The following CDC6 variants were observed in gnomAD, a reference collection of about 807,000 sequenced individuals.
CDC6 encodes the protein DNA replication factor CDC6.
Under a neutral mutation model 60.2 loss-of-function variants are expected in CDC6, and 46 were observed. The ratio of observed to expected loss-of-function variants is 0.76; its 90% CI spans 0.60 to 0.98. The LOEUF is 0.98. CDC6 is among the 50% of genes least tolerant of loss of function. The probability of loss-of-function intolerance (pLI) is 0.00; values close to 1 mark genes in which losing one functional copy is unlikely to be tolerated. For synonymous variants in CDC6, 210 were observed against 233.2 expected, an observed-to-expected ratio of 0.90 and a Z score of 0.90; for missense variants, 596 against 652.9, an observed-to-expected ratio of 0.91 and a Z score of 0.95.
chr17:40,291,658 A>G lies in CDC6; in HGVS notation c.650A>G (p.Gln217Arg), dbSNP rs2032764388. The G allele has an allele frequency of 3.1e-6, 5 of 1,614,004 alleles. No individual in the cohort carries two copies. The highest frequency in any genetic ancestry group is 4.2e-6 in the Non-Finnish European group (5 of 1,179,846). The part of the protein sequence containing the change: ...GKTACLSRIL[Q>R]DLKKELKGFK... ...ACTGCCTGCTTAAGCCGGATTCTGC[A>G]AGACCTCAAGGTACATTGAGAGTCT... Residue 217 changes from glutamine (Q) to arginine (R), a missense_variant, in exon 4 of 12, where the codon CAA becomes CGA. Gln to Arg is a conservative substitution (Grantham distance 43, BLOSUM62 1). Transcript: ENST00000209728.
chr17:40,302,156 A>C lies in CDC6; in HGVS notation c.*155A>C. ...AATCTATAGATTCTTTAATATTAGC[A>C]CAGAATAATATCTTTGGGTCTTACT... On this transcript the variant is annotated 3_prime_UTR_variant, in exon 12 of 12. Coordinates refer to ENST00000209728, the MANE Select transcript of CDC6 (RefSeq NM_001254.4). 1 of 671,794 alleles carries C rather than the reference A, an allele frequency of 1.5e-6. No homozygotes were observed. The highest frequency in any genetic ancestry group is 1.6e-5 in the South Asian group (1 of 61,792). The allele number at this position is 671,794 out of a possible 1,614,324, so 41.6% of individuals were successfully genotyped here. A position where few individuals can be genotyped will look rare whatever the true frequency, so the allele number is the denominator to read the frequency against.
Position 40,304,379 on chromosome 17 carries a change from C to G in CDC6, c.*2378C>G, listed in dbSNP as rs192305761. The G allele has an allele frequency of 6.6e-6, 1 of 152,306 alleles. No individual in the cohort carries two copies. The highest frequency in any genetic ancestry group is 1.5e-5 in the Non-Finnish European group (1 of 68,028). 9.4% of individuals were successfully genotyped at this position (152,306 alleles called of 1,614,324 possible). A position where few individuals can be genotyped will look rare whatever the true frequency, so the allele number is the denominator to read the frequency against. ...AAGCCCTTTCCTTGCTGGCTTTTCT[C>G]CCTGAAGCTGAGAGCTTCAGGAAGG... On this transcript the variant is annotated 3_prime_UTR_variant, in exon 12 of 12. Coordinates refer to ENST00000209728, the MANE Select transcript of CDC6 (RefSeq NM_001254.4).
chr17:40,301,868 T>C (rs983946297), intron 11 of CDC6, 44 bp from the exon 12 acceptor site: 8 of 1,309,896 alleles, frequency 6.1e-6, no homozygotes, highest in Non-Finnish European at 8.9e-6. Flanking sequence ...AACTTTGCTT[T>C]TGTGAGTTCC....
At position 40,294,434 on chromosome 17, in the gene CDC6, A is replaced by T; in HGVS notation, c.1014A>T (p.Pro338=). The change falls in exon 7 of 12, where the codon CCA becomes CCT. Residue 338 remains proline (P), a synonymous_variant. Transcript: ENST00000209728. ...TTCAAGCTAGAGAAAAATGTAAGCCACAGCTGTTGAACTTCCCACCTTATA... is the reference window on the plus strand; with the variant it reads ...TTCAAGCTAGAGAAAAATGTAAGCCTCAGCTGTTGAACTTCCCACCTTATA... ...PRLQAREKCK[P]QLLNFPPYTR... 1 of 1,612,242 alleles carries T rather than the reference A, an allele frequency of 6.2e-7. No homozygotes were observed.
At position 40,291,226 on chromosome 17, in the gene CDC6, A is replaced by G. The variant is rs1340423683; in HGVS notation, c.347A>G (p.His116Arg). 1 of 1,614,248 alleles carries G rather than the reference A, an allele frequency of 6.2e-7. No individual in the cohort carries two copies. Among genetic ancestry groups the G allele is most frequent in the South Asian group, 1.1e-5 (1 of 91,090 alleles). ...SPSKRELAKV[H>R]QNKILSSVRK... ...AGCAAAAGAGAACTAGCCAAAGTTC[A>G]CCAAAACAAAATACTTTCTTCAGTT... The change falls in exon 3 of 12, where the codon CAC becomes CGC. Residue 116 changes from histidine to arginine, a missense_variant. Transcript: ENST00000209728.
In CDC6 at chr17:40,301,515, T is replaced by C. The variant is rs140639037; in HGVS notation, c.1500T>C (p.Ala500=). The C allele has an allele frequency of 6.2e-7, 1 of 1,613,930 alleles. No individual in the cohort carries two copies. The highest frequency in any genetic ancestry group is 8.5e-7 in the Non-Finnish European group (1 of 1,179,768). The change falls in exon 11 of 12, where the codon GCT becomes GCC. Residue 500 remains alanine, a synonymous_variant. Coordinates refer to ENST00000209728, the MANE Select transcript of CDC6 (RefSeq NM_001254.4). ...SKVCRKQQVA[A]VDQSECLSLS... is the part of the protein sequence containing the mutation. ...TCTGTCGCAAACAGCAGGTGGCGGC[T>C]GTGGACCAGTCAGAGTGTTTGTCAC... is the stretch of plus-strand genomic sequence containing the variant.
At chr17:40,293,922 T>G in intron 5 of CDC6, 28 bp from the exon 6 acceptor site, 1 of 1,558,368 alleles carries the variant, frequency 6.4e-7, no homozygotes, top group Non-Finnish European at 8.9e-7. Flanking sequence ...AAGGTGAATA[T>G]GGATACTAAC....
rs767841312 is a variant in CDC6, at chr17:40,293,612, G to A, written c.817G>A (p.Ala273Thr). ...MMRKLEKHMT[A>T]EKGPMIVLVL... ...GAGGAAATTGGAAAAACATATGACT[G>A]CAGAGAAGGGCCCCATGATGTAAGT... Residue 273 changes from alanine (A) to threonine (T), a missense_variant, in exon 5 of 12, where the codon GCA becomes ACA. Coordinates refer to ENST00000209728, the MANE Select transcript of CDC6 (RefSeq NM_001254.4). The A allele has an allele frequency of 1.2e-6, 2 of 1,612,912 alleles. No individual in the cohort carries two copies. The highest frequency in any genetic ancestry group is 1.7e-6 in the Non-Finnish European group (2 of 1,178,972).
chr17:40,294,391 A>G lies in CDC6; in HGVS notation c.971A>G (p.Asp324Gly). ...IGIANTLDLT[D>G]RILPRLQARE... is the part of the protein sequence containing the mutation. ...ATTGCTAATACCCTGGATCTCACAG[A>G]TAGAATTCTACCTAGGCTTCAAGCT... The change falls in exon 7 of 12, where the codon GAT (aspartate) becomes GGT (glycine). Residue 324 changes from aspartate to glycine, a missense_variant. By Grantham distance (94) the Asp-to-Gly change is moderately conservative. Coordinates refer to ENST00000209728, the MANE Select transcript of CDC6 (RefSeq NM_001254.4). 6.2e-7 allele frequency: 1 copy of G among 1,609,616 alleles called. No individual in the cohort carries two copies. Among genetic ancestry groups the G allele is most frequent in the Non-Finnish European group, 8.5e-7 (1 of 1,175,984 alleles).
chr17:40,299,622 G>C (rs1023499932), intron 9 of CDC6, among the ~76,000 whole-genome samples: 2 of 152,084 alleles, frequency 1.3e-5, no homozygotes, highest in African/African-American at 2.4e-5. Flanking sequence ...ATCTGGCCAG[G>C]CATGGTGGCT....
chr17:40,300,476 GAC>G (rs1402862896), intron 9 of CDC6, among the ~76,000 whole-genome samples: 1 of 152,110 alleles, frequency 6.6e-6, no homozygotes, highest in Non-Finnish European at 1.5e-5. Flanking sequence ...CAGCCTGAGT[GAC>G]AGAGATCCTG....
At chr17:40,294,247 C>A in intron 6 of CDC6, 117 bp from the exon 7 acceptor site, 1 of 959,292 alleles carries the variant, frequency 1.0e-6, no homozygotes, top group Non-Finnish European at 1.7e-6. Flanking sequence ...AGACAAGTGG[C>A]AAGCAACAAT....
At chr17:40,294,871 C>T (rs1266736580) in intron 7 of CDC6, among the ~76,000 whole-genome samples, 2 of 151,928 alleles carry the variant, frequency 1.3e-5, no homozygotes, top group Non-Finnish European at 2.9e-5. Context: ...ACTACAGGCA[C>T]CTGCCACCAC....
chr17:40,289,560 G>T lies in CDC6; in HGVS notation c.140G>T (p.Arg47Leu). 1 of 1,613,916 alleles carries T rather than the reference G, an allele frequency of 6.2e-7. No homozygotes were observed. Among genetic ancestry groups the T allele is most frequent in the Non-Finnish European group, 8.5e-7 (1 of 1,179,988 alleles). Residue 47 changes from arginine (R) to leucine (L), a missense_variant, in exon 2 of 12, where the codon CGT becomes CTT. Coordinates refer to ENST00000209728, the MANE Select transcript of CDC6 (RefSeq NM_001254.4). ...TNVQTVTCSPRVKALPLSPRK... is the reference protein window; with the variant it reads ...TNVQTVTCSPLVKALPLSPRK... ...GTCCAAACCGTAACCTGTTCTCCTCGTGTAAAAGCCCTGCCTCTCAGCCCC... is the reference window on the plus strand; with the variant it reads ...GTCCAAACCGTAACCTGTTCTCCTCTTGTAAAAGCCCTGCCTCTCAGCCCC...
chr17:40,295,568 T>G (rs1321257651), intron 8 of CDC6, 112 bp downstream of exon 8: 1 of 748,736 alleles, frequency 1.3e-6, no homozygotes, highest in Non-Finnish European at 2.3e-6. Flanking sequence ...TTCTGCTACT[T>G]TTTTACGCTC....
rs369184043 is a variant in CDC6 at position 40,301,549 on chromosome 17, C to A, written c.1534C>A (p.Leu512Ile). The A allele has an allele frequency of 6.2e-7, 1 of 1,613,924 alleles. No individual in the cohort carries two copies. The highest frequency in any genetic ancestry group is 2.2e-5 in the East Asian group (1 of 44,884). The stretch of plus-strand genomic sequence containing the variant: ...GTCAGAGTGTTTGTCACTTTCAGGG[C>A]TCTTGGAAGCCAGGGGCATTTTAGG... ...DQSECLSLSGLLEARGILGLK... is the reference protein window; with the variant it reads ...DQSECLSLSGILEARGILGLK... The change falls in exon 11 of 12, where the codon CTC becomes ATC. Residue 512 changes from leucine to isoleucine, a missense_variant. By Grantham distance (5) the Leu-to-Ile change is conservative. Transcript: ENST00000209728.
Position 40,289,432 on chromosome 17 carries a change from C to G in CDC6, c.12C>G (p.Thr4=), listed in dbSNP as rs2032715602. Residue 4 remains threonine (T), a synonymous_variant, in exon 2 of 12, where the codon ACC becomes ACG. Coordinates refer to ENST00000209728, the MANE Select transcript of CDC6 (RefSeq NM_001254.4). MPQ[T]RSQAQATISF... ...GCTGTGCTGTCGTCATGCCTCAAAC[C>G]CGATCCCAGGCACAGGCTACAATCA... 1.2e-6 allele frequency: 2 copies of G among 1,613,858 alleles called. No individual in the cohort carries two copies. The highest frequency in any genetic ancestry group is 4.5e-5 in the East Asian group (2 of 44,876).
chr17:40,293,418 G>T (rs376975123), intron 4 of CDC6, 38 bp from the exon 5 acceptor site: 10 of 1,561,118 alleles, frequency 6.4e-6, no homozygotes, highest in African/African-American at 1.4e-5. Context: ...TATTTTCTGA[G>T]GCCAAAATAA....
intron 1 of CDC6, among the ~76,000 whole-genome samples, chr17:40,288,855 C>T (rs2032705060): frequency 6.6e-6 from 1 of 152,124 alleles, no homozygotes; most frequent in Non-Finnish European, 1.5e-5. Context: ...TGAGCCACCG[C>T]GTTTGGCCGT....
Sources: allele counts gnomAD v4.1 joint callset (sites outside exome capture counted in the v4.1 genomes callset), GRCh38; gene constraint gnomAD v4.1.1; transcripts MANE v1.5; gene names NCBI Gene and HGNC (gene_info 2026-07-23, HGNC 2026-07-21).